The following HEMK2 variants were observed in gnomAD, a reference collection of about 807,000 sequenced individuals.
HEMK2 encodes HemK methyltransferase 2, ETF1 glutamine and histone H4 lysine.
the HEMK2 span, chr21:28,872,074 C>T: frequency 6.6e-6 from 1 of 152,192 alleles, no homozygotes; most frequent in Non-Finnish European, 1.5e-5. Context: ...GGGGACACTA[C>T]TCAATCTAGT....
chr21:28,656,178 G>C, the HEMK2 span, among the ~76,000 whole-genome samples: 2 of 151,998 alleles, frequency 1.3e-5, no homozygotes, highest in African/African-American at 4.8e-5. Flanking sequence ...CTTAACTAGG[G>C]GGGGAAGCCA....
the HEMK2 span, among the ~76,000 whole-genome samples, chr21:28,723,412 G>C: frequency 2.6e-5 from 4 of 152,184 alleles, no homozygotes; most frequent in Non-Finnish European, 5.9e-5. Flanking sequence ...GCCTGGATTA[G>C]TAGCAGGTGT....
the HEMK2 span, among the ~76,000 whole-genome samples, chr21:28,798,639 C>G: frequency 1.3e-5 from 2 of 151,894 alleles, no homozygotes; most frequent in Admixed American, 1.3e-4. Context: ...TCTTTGGGGG[C>G]CTGGACAGGA....
chr21:28,597,212 T>C, the HEMK2 span, among the ~76,000 whole-genome samples: 2 of 152,276 alleles, frequency 1.3e-5, no homozygotes, highest in African/African-American at 4.8e-5. Flanking sequence ...AGCTAAGTCT[T>C]GAAGGATAAA....
At chr21:28,656,705 T>A in the HEMK2 span, among the ~76,000 whole-genome samples, 2 of 152,174 alleles carry the variant, frequency 1.3e-5, no homozygotes, top group East Asian at 3.9e-4. Context: ...ATCATCTGCC[T>A]CACAAAGGAG....
chr21:28,583,652 G>A, the HEMK2 span, among the ~76,000 whole-genome samples: 9 of 152,158 alleles, frequency 5.9e-5, no homozygotes, highest in African/African-American at 9.7e-5. Flanking sequence ...CAGAGAACAT[G>A]TCTATCTTTG....
the HEMK2 span, among the ~76,000 whole-genome samples, chr21:28,670,243 T>G: frequency 6.6e-6 from 1 of 152,202 alleles, no homozygotes; most frequent in South Asian, 2.1e-4. Context: ...ATTTATAGTT[T>G]TGAGAAACAG....
the HEMK2 span, among the ~76,000 whole-genome samples, chr21:28,695,412 G>A: frequency 1.7e-3 from 259 of 152,232 alleles, 3 homozygotes; most frequent in Middle Eastern, 0.014. Flanking sequence ...CCAAGACTGG[G>A]TAATTTATAA....
chr21:28,835,417 G>A, the HEMK2 span, among the ~76,000 whole-genome samples: 1 of 152,180 alleles, frequency 6.6e-6, no homozygotes, highest in Non-Finnish European at 1.5e-5. Flanking sequence ...TCATCTCACA[G>A]GAAGTCACAT....
chr21:28,666,964 T>C, the HEMK2 span, among the ~76,000 whole-genome samples: 1 of 152,160 alleles, frequency 6.6e-6, no homozygotes, highest in Non-Finnish European at 1.5e-5. Context: ...TCATGAGGTA[T>C]GGAGCCCAGG....
chr21:28,785,029 G>A, the HEMK2 span, among the ~76,000 whole-genome samples: 4 of 152,100 alleles, frequency 2.6e-5, no homozygotes, highest in East Asian at 3.9e-4. Flanking sequence ...CCAGACAGGA[G>A]GAACGAACAA....
At chr21:28,676,896 G>T in the HEMK2 span, among the ~76,000 whole-genome samples, 1 of 152,120 alleles carries the variant, frequency 6.6e-6, no homozygotes, top group African/African-American at 2.4e-5. Flanking sequence ...TGGAAAAAAT[G>T]ACTTTTAAAA....
chr21:28,749,357 A>T, the HEMK2 span, among the ~76,000 whole-genome samples: 7 of 152,214 alleles, frequency 4.6e-5, no homozygotes, highest in African/African-American at 1.7e-4. Flanking sequence ...TTTAATTCTC[A>T]TAAGAACTTA....
the HEMK2 span, among the ~76,000 whole-genome samples, chr21:28,629,725 T>C: frequency 6.6e-6 from 1 of 152,220 alleles, no homozygotes; most frequent in Non-Finnish European, 1.5e-5. Flanking sequence ...ATAATCTCAT[T>C]TTCCAGCCCT....
the HEMK2 span, among the ~76,000 whole-genome samples, chr21:28,589,227 C>G: frequency 6.6e-6 from 1 of 151,988 alleles, no homozygotes; most frequent in Non-Finnish European, 1.5e-5. Flanking sequence ...TTGTATTATT[C>G]TGTATTGAGG....
chr21:28,800,001 T>G, the HEMK2 span, among the ~76,000 whole-genome samples: 1 of 152,226 alleles, frequency 6.6e-6, no homozygotes, highest in East Asian at 1.9e-4. Context: ...AGTCTGGCAG[T>G]ATACACTTTG....
the HEMK2 span, among the ~76,000 whole-genome samples, chr21:28,676,086 G>T: frequency 6.6e-6 from 1 of 152,300 alleles, no homozygotes; most frequent in South Asian, 2.1e-4. Context: ...ACAAAAGCTA[G>T]CAAGGTAGAA....
the HEMK2 span, among the ~76,000 whole-genome samples, chr21:28,853,271 C>T: frequency 1.3e-5 from 2 of 152,126 alleles, no homozygotes; most frequent in Non-Finnish European, 2.9e-5. Flanking sequence ...TCACAGTGGG[C>T]CATCTTTTAA....
chr21:28,637,067 C>T, the HEMK2 span, among the ~76,000 whole-genome samples: 1 of 152,176 alleles, frequency 6.6e-6, no homozygotes, highest in African/African-American at 2.4e-5. Context: ...TCAGAGTCGA[C>T]TGGGTAGTTC....
Sources: allele counts gnomAD v4.1 joint callset (sites outside exome capture counted in the v4.1 genomes callset), GRCh38; gene constraint gnomAD v4.1.1; transcripts MANE v1.5; gene names NCBI Gene and HGNC (gene_info 2026-07-23, HGNC 2026-07-21).